The following MAP3K15 variants were observed in gnomAD, a reference collection of about 807,000 sequenced individuals.
MAP3K15 encodes MAPK/ERK kinase kinase 15.
MAP3K15 carries 124 observed loss-of-function variants against 99.5 expected under a neutral mutation model. That is an observed-to-expected ratio of 1.25 (90% confidence interval 1.08 to 1.45). MAP3K15 has a LOEUF of 1.45. MAP3K15 is among the 40% of genes most tolerant of loss of function. MAP3K15 has a pLI of 0.00. For synonymous variants in MAP3K15, 494 were observed against 439.6 expected (o/e 1.12, Z -1.55); for missense variants, 1,242 against 1,079.7 (o/e 1.15, Z -2.11).
chrX:19,397,056 T>G (rs981307241), intron 15 of MAP3K15, among the ~76,000 whole-genome samples: 1 of 109,468 alleles, frequency 9.1e-6, no homozygotes, highest in South Asian at 4.0e-4. Flanking sequence ...TGCGCCACCA[T>G]GCCCACCCAC....
chrX:19,483,785 G>C (rs1474871769), intron 3 of MAP3K15, among the ~76,000 whole-genome samples: 3 of 111,729 alleles, frequency 2.7e-5, no homozygotes, highest in Non-Finnish European at 5.6e-5. Flanking sequence ...ACCATTAGTT[G>C]CAAGATGTCC....
intron 6 of MAP3K15, among the ~76,000 whole-genome samples, chrX:19,436,165 A>AAG (rs1555955770): frequency 0.01 from 1,070 of 106,086 alleles, 21 homozygotes; most frequent in African/African-American, 0.038. Flanking sequence ...AAAAAAAAAA[A>AAG]AAAGAAAGAA....
chrX:19,420,068 A>C lies in MAP3K15; in HGVS notation c.1440-4811T>G, dbSNP rs369334560. ...TGTAGAGGGAAATTTATAGCACTAA[A>C]TGCCCACAAGAGAAAGCAGGAAGAT... On this transcript the variant is annotated intron_variant, in intron 9 of 28. Coordinates refer to ENST00000338883, the MANE Select transcript of MAP3K15 (RefSeq NM_001001671.4). 3.0e-4 allele frequency among the ~76,000 whole-genome samples: 34 copies of C among 112,202 alleles called. No individual in the cohort carries two copies. The East Asian group carries it at 8.6e-3, about 28-fold the overall frequency.
rs770760036 is a variant in MAP3K15 at position 19,392,425 on chromosome X, G to A, written c.2243C>T (p.Pro748Leu). The A allele has an allele frequency of 2.0e-5, 24 of 1,208,597 alleles. No individual in the cohort carries two copies. The highest frequency in any genetic ancestry group is 2.6e-5 in the Non-Finnish European group (23 of 894,311). ...LRSKWGPMKE[P>L]TIKFYTKQIL... ...CTGTTTGGTGTAAAACTTGATTGTC[G>A]GTTCCTTCATCGGCCCCCATTTGGA... Residue 748 changes from proline to leucine, a missense_variant, in exon 17 of 29, where the codon CCG (proline) becomes CTG (leucine). Transcript: ENST00000338883.
At chrX:19,469,956 C>G (rs765509601) in intron 3 of MAP3K15, among the ~76,000 whole-genome samples, 145 of 110,094 alleles carry the variant, frequency 1.3e-3, no homozygotes, top group Non-Finnish European at 2.4e-3. Context: ...GGTGGTGGGA[C>G]TGTAAACTAG....
chrX:19,409,063 A>G (rs2063668015), intron 12 of MAP3K15, among the ~76,000 whole-genome samples: 1 of 111,576 alleles, frequency 9.0e-6, no homozygotes, highest in Non-Finnish European at 1.9e-5. Flanking sequence ...CCTGGGCAGT[A>G]TCATCCCAAT....
intron 6 of MAP3K15, among the ~76,000 whole-genome samples, chrX:19,437,159 A>C (rs2063927976): frequency 9.0e-6 from 1 of 111,565 alleles, no homozygotes; most frequent in South Asian, 3.7e-4. Context: ...CTACATCTGA[A>C]ATTGACCCAC....
Position 19,464,355 on chromosome X carries a change from C to T in MAP3K15, c.577G>A (p.Asp193Asn). 8.3e-7 allele frequency: 1 copy of T among 1,198,780 alleles called. No individual in the cohort carries two copies. The highest frequency in any genetic ancestry group is 1.1e-6 in the Non-Finnish European group (1 of 894,166). The change falls in exon 4 of 29, where the codon GAT becomes AAT. Residue 193 changes from aspartate (D) to asparagine (N), a missense_variant. By Grantham distance (23) the Asp-to-Asn change is conservative. Transcript: ENST00000338883. ...GCATCACTCTCGCAGCAAAAATAAT[C>T]AGCGCACGGTGTCACGATGTATGGG... ...FIPYIVTPCA[D>N]YFCCESDAQR...
At chrX:19,398,178 G>A in intron 15 of MAP3K15, 48 bp downstream of exon 15, 1 of 1,202,186 alleles carries the variant, frequency 8.3e-7, no homozygotes. Context: ...TATGGGATCT[G>A]GGGTGTGGAG....
chrX:19,385,176 G>A (rs898644559), intron 18 of MAP3K15, among the ~76,000 whole-genome samples: 2 of 111,837 alleles, frequency 1.8e-5, no homozygotes. Context: ...ACCTGGCTCA[G>A]GGTCTCCCAG....
chrX:19,500,835 G>A (rs2064436140), intron 1 of MAP3K15, among the ~76,000 whole-genome samples: 1 of 111,965 alleles, frequency 8.9e-6, no homozygotes, highest in South Asian at 3.7e-4. Flanking sequence ...TCACTGCAGG[G>A]AACTGAAAAT....
intron 14 of MAP3K15, among the ~76,000 whole-genome samples, chrX:19,399,325 G>A (rs2063590270): frequency 9.0e-6 from 1 of 110,893 alleles, no homozygotes; most frequent in African/African-American, 3.3e-5. Flanking sequence ...CACTTTGGGA[G>A]GCCGAGGCGA....
At chrX:19,511,156 T>C (rs1467134782) in intron 1 of MAP3K15, among the ~76,000 whole-genome samples, 1 of 111,385 alleles carries the variant, frequency 9.0e-6, no homozygotes, top group Non-Finnish European at 1.9e-5. Context: ...TTACACCTTA[T>C]ACAAAAATTA....
intron 1 of MAP3K15, among the ~76,000 whole-genome samples, chrX:19,500,622 T>C (rs2064434857): frequency 8.9e-6 from 1 of 111,850 alleles, no homozygotes; most frequent in African/African-American, 3.3e-5. Context: ...CAGGCATTTC[T>C]GCCAGTCCCA....
intron 1 of MAP3K15, among the ~76,000 whole-genome samples, chrX:19,513,816 G>A (rs2064537299): frequency 9.0e-6 from 1 of 111,229 alleles, no homozygotes; most frequent in South Asian, 3.9e-4. Context: ...GGTGACAGAG[G>A]TTTGTCACCA....
At chrX:19,493,906 T>C (rs1286422139) in intron 1 of MAP3K15, among the ~76,000 whole-genome samples, 1 of 111,261 alleles carries the variant, frequency 9.0e-6, no homozygotes, top group Non-Finnish European at 1.9e-5. Context: ...TGACACACTG[T>C]GTAAAACTGA....
rs762963142 is a variant in MAP3K15 at position 19,360,708 on chromosome X, T to C, written c.*41A>G. On this transcript the variant is annotated 3_prime_UTR_variant, in exon 29 of 29. Coordinates refer to ENST00000338883, the MANE Select transcript of MAP3K15 (RefSeq NM_001001671.4). ...CTAACAGAAGCTTTAACAAAACATGTAGCGTGGTGGGACACTCTGCCACAG... is the reference window on the plus strand; with the variant it reads ...CTAACAGAAGCTTTAACAAAACATGCAGCGTGGTGGGACACTCTGCCACAG... 4.4e-5 allele frequency: 45 copies of C among 1,027,662 alleles called. 1 individual carries two copies. In the Admixed American group the frequency reaches 1.0e-3, roughly 24 times the overall value. 84.7% of individuals were successfully genotyped at this position (1,027,662 alleles called of 1,213,427 possible). A position where few individuals can be genotyped will look rare whatever the true frequency, so the allele number is the denominator to read the frequency against.
chrX:19,454,912 G>A (rs1426079123), intron 6 of MAP3K15, among the ~76,000 whole-genome samples: 6 of 111,514 alleles, frequency 5.4e-5, no homozygotes, highest in African/African-American at 2.0e-4. Flanking sequence ...CATCATGTTG[G>A]CGCTCAAAAA....
chrX:19,454,132 G>A (rs1260953956), intron 6 of MAP3K15, among the ~76,000 whole-genome samples: 2 of 111,701 alleles, frequency 1.8e-5, no homozygotes, highest in African/African-American at 3.3e-5. Flanking sequence ...CAGTCAGTGC[G>A]TCACACATCC....
Sources: gnomAD v4.1 joint callset for allele counts (sites outside exome capture counted in the v4.1 genomes callset) on GRCh38, gnomAD v4.1.1 for gene constraint, MANE v1.5 for transcripts, NCBI Gene and HGNC (gene_info 2026-07-23, HGNC 2026-07-21) for gene names.